Variants in MAP3K1 observed in about 807,000 individuals in gnomAD.
MAP3K1 encodes mitogen-activated protein kinase kinase kinase 1.
Under a neutral mutation model 144.2 loss-of-function variants are expected in MAP3K1, and 36 were observed. The ratio of observed to expected loss-of-function variants is 0.25; its 90% CI spans 0.19 to 0.33. The LOEUF (loss-of-function observed/expected upper bound fraction) is 0.33. Ranked by LOEUF, MAP3K1 falls within the 10% of genes least tolerant of loss-of-function variation. The pLI is 1.00. For synonymous variants in MAP3K1, 718 were observed against 688.7 expected (o/e 1.04, Z -0.67); for missense variants, 1,650 against 1,881.9 (o/e 0.88, Z 2.28).
chr5:56,849,057 C>T (rs952073006), intron 1 of MAP3K1, among the ~76,000 whole-genome samples: 7 of 152,118 alleles, frequency 4.6e-5, no homozygotes, highest in Non-Finnish European at 1.0e-4. Flanking sequence ...TACTATAAAA[C>T]TGATTTCAAC....
chr5:56,856,489 T>C, intron 1 of MAP3K1, 111 bp from the exon 2 acceptor site: 1 of 941,726 alleles, frequency 1.1e-6, no homozygotes, highest in South Asian at 1.5e-5. Flanking sequence ...GTTATCTTTT[T>C]TATTACATGT....
At position 56,881,852 on chromosome 5, in the gene MAP3K1, C is replaced by T. The variant is rs939243811; in HGVS notation, c.2652C>T (p.Phe884=). 1.9e-6 allele frequency: 3 copies of T among 1,614,132 alleles called. No individual in the cohort carries two copies. Among genetic ancestry groups the T allele is most frequent in the Non-Finnish European group, 2.5e-6 (3 of 1,180,012 alleles). Residue 884 remains phenylalanine (F), a synonymous_variant, in exon 14 of 20, where the codon TTC becomes TTT. Transcript: ENST00000399503. ...EDTLDGQQDS[F]LQASVPNNYL... ...CTTTGGATGGTCAACAGGACAGCTT[C>T]TTGCAGGCATCTGTTCCCAACAACT...
chr5:56,890,010 C>T (rs1444130793), intron 19 of MAP3K1, among the ~76,000 whole-genome samples: 1 of 152,168 alleles, frequency 6.6e-6, no homozygotes, highest in Non-Finnish European at 1.5e-5. Flanking sequence ...TTAAGGCCCC[C>T]ATTTTGTGCT....
intron 16 of MAP3K1, 23 bp from the exon 17 acceptor site, chr5:56,885,909 T>A: frequency 6.2e-7 from 1 of 1,607,824 alleles, no homozygotes; most frequent in Non-Finnish European, 8.5e-7. Context: ...AAGTTTATGA[T>A]AATTATTTCT....
intron 19 of MAP3K1, among the ~76,000 whole-genome samples, chr5:56,890,482 A>G (rs890285403): frequency 3.3e-5 from 5 of 152,156 alleles, no homozygotes; most frequent in Non-Finnish European, 7.3e-5. Context: ...TGGTAGTATA[A>G]ATTGCCATAG....
chr5:56,866,500 A>G (rs201561500), intron 6 of MAP3K1, among the ~76,000 whole-genome samples: 1 of 152,202 alleles, frequency 6.6e-6, no homozygotes, highest in East Asian at 1.9e-4. Context: ...TTTTGTGCTA[A>G]AAACTACAGC....
At chr5:56,877,246 T>C (rs1748061071) in intron 10 of MAP3K1, among the ~76,000 whole-genome samples, 1 of 152,226 alleles carries the variant, frequency 6.6e-6, no homozygotes, top group Non-Finnish European at 1.5e-5. Context: ...CTAAATAAAA[T>C]CCTCTTTTTG....
Position 56,815,596 on chromosome 5 carries a change from G to A in MAP3K1, c.23G>A (p.Arg8His). Residue 8 changes from arginine to histidine, a missense_variant, in exon 1 of 20, where the codon CGC becomes CAC. Transcript: ENST00000399503. Reference protein sequence around the residue: MAAAAGNRASSSGFPGAR... With the variant: MAAAAGNHASSSGFPGAR... ...AAAATGGCGGCGGCGGCGGGGAATC[G>A]CGCCTCGTCGTCGGGATTCCCGGGC... 1.5e-6 allele frequency: 2 copies of A among 1,299,440 alleles called. No individual in the cohort carries two copies. The highest frequency in any genetic ancestry group is 2.2e-5 in the South Asian group (1 of 45,018). The allele number at this position is 1,299,440 out of a possible 1,614,324, so 80.5% of individuals were successfully genotyped here.
chr5:56,866,598 G>C (rs973873155), intron 6 of MAP3K1, among the ~76,000 whole-genome samples: 1 of 152,204 alleles, frequency 6.6e-6, no homozygotes, highest in Non-Finnish European at 1.5e-5. Flanking sequence ...CCACAAAGGA[G>C]TGCTGCTTCT....
chr5:56,883,619 A>C lies in MAP3K1; in HGVS notation c.3759A>C (p.Ala1253=). Residue 1253 remains alanine, a synonymous_variant, in exon 15 of 20, where the codon GCA becomes GCC. Coordinates refer to ENST00000399503, the MANE Select transcript of MAP3K1 (RefSeq NM_005921.2). ...WLKGQQIGLG[A]FSSCYQAQDV... is the part of the protein sequence containing the mutation. ...AAGGTCAACAGATAGGCCTTGGAGC[A>C]TTTTCTTCTTGTTATCAGGCTCAAG... 6.2e-7 allele frequency: 1 copy of C among 1,614,118 alleles called. No homozygotes were observed. Among genetic ancestry groups the C allele is most frequent in the Non-Finnish European group, 8.5e-7 (1 of 1,179,998 alleles).
intron 6 of MAP3K1, among the ~76,000 whole-genome samples, chr5:56,868,488 C>T (rs1579763935): frequency 6.6e-6 from 1 of 151,968 alleles, no homozygotes; most frequent in Non-Finnish European, 1.5e-5. Context: ...GGGTTCATGC[C>T]ATTCTCCTGC....
At chr5:56,890,142 A>T (rs1009503004) in intron 19 of MAP3K1, among the ~76,000 whole-genome samples, 3 of 152,072 alleles carry the variant, frequency 2.0e-5, no homozygotes, top group Non-Finnish European at 4.4e-5. Context: ...GCCTCTTTCA[A>T]ACTAATTCTC....
intron 16 of MAP3K1, among the ~76,000 whole-genome samples, chr5:56,885,220 G>A (rs1321465218): frequency 6.6e-6 from 1 of 152,150 alleles, no homozygotes; most frequent in South Asian, 2.1e-4. Context: ...TAGCACTGAA[G>A]CATAAAGTTG....
intron 1 of MAP3K1, among the ~76,000 whole-genome samples, chr5:56,849,440 T>G (rs1461150724): frequency 6.6e-6 from 1 of 152,222 alleles, no homozygotes; most frequent in Admixed American, 6.5e-5. Context: ...TAGTGCCTGT[T>G]TCTTGTTATA....
intron 2 of MAP3K1, among the ~76,000 whole-genome samples, chr5:56,859,343 G>A (rs528057675): frequency 4.6e-5 from 7 of 152,246 alleles, no homozygotes; most frequent in Non-Finnish European, 1.0e-4. Context: ...TAAGTTGACT[G>A]TAGAAGTTAT....
At chr5:56,839,212 C>T (rs921117601) in intron 1 of MAP3K1, among the ~76,000 whole-genome samples, 6 of 152,276 alleles carry the variant, frequency 3.9e-5, no homozygotes, top group African/African-American at 1.4e-4. Flanking sequence ...GCAAACACAC[C>T]AGTATCCGAA....
chr5:56,815,638 C>T lies in MAP3K1; in HGVS notation c.65C>T (p.Pro22Leu), dbSNP rs949301616. The T allele has an allele frequency of 8.2e-6, 11 of 1,334,894 alleles. No individual in the cohort carries two copies. Among genetic ancestry groups the T allele is most frequent in the East Asian group, 3.1e-5 (1 of 32,092 alleles). The allele number at this position is 1,334,894 out of a possible 1,614,324, so 82.7% of individuals were successfully genotyped here. ...SGFPGARATS[P>L]EAGGGGGALK... ...TTCCCGGGCGCCAGGGCTACGAGCCCTGAGGCAGGCGGCGGCGGAGGAGCC... is the reference window on the plus strand; with the variant it reads ...TTCCCGGGCGCCAGGGCTACGAGCCTTGAGGCAGGCGGCGGCGGAGGAGCC... Residue 22 changes from proline (P) to leucine (L), a missense_variant, in exon 1 of 20, where the codon CCT becomes CTT. Pro to Leu is a moderately conservative substitution (Grantham distance 98, BLOSUM62 -3). This residue lies in a region of MAP3K1 where 360 missense variants were observed against 274.7 expected (regional missense o/e 1.31). Coordinates refer to ENST00000399503, the MANE Select transcript of MAP3K1 (RefSeq NM_005921.2).
At chr5:56,861,436 G>A (rs1747506630) in intron 3 of MAP3K1, among the ~76,000 whole-genome samples, 1 of 151,912 alleles carries the variant, frequency 6.6e-6, no homozygotes, top group African/African-American at 2.4e-5. Context: ...GCCAGGCGTG[G>A]TGGCAGGCAC....
chr5:56,872,773 G>A (rs758272138), intron 8 of MAP3K1, 51 bp downstream of exon 8: 1 of 1,607,112 alleles, frequency 6.2e-7, no homozygotes, highest in South Asian at 1.1e-5. Flanking sequence ...AAATTTCTCA[G>A]TGTGGTTTGT....
Sources: allele counts gnomAD v4.1 joint callset (sites outside exome capture counted in the v4.1 genomes callset), GRCh38; gene constraint gnomAD v4.1.1; regional missense constraint gnomAD v4.1.1; transcripts MANE v1.5; gene names NCBI Gene and HGNC (gene_info 2026-07-23, HGNC 2026-07-21).